ACBD3: variants seen among roughly 807,000 people sequenced by gnomAD.
The protein encoded by ACBD3 is Golgi resident protein GCP60.
ACBD3 carries 30 observed loss-of-function variants against 66.9 expected under a neutral mutation model. The observed-to-expected ratio is 0.45, with a 90% CI of 0.34 to 0.61. ACBD3 has a LOEUF of 0.61. Ranked by LOEUF, ACBD3 falls within the 20% of genes least tolerant of loss-of-function variation. ACBD3 has a pLI of 0.02. For missense variants in ACBD3, 544 were observed against 664.5 expected (o/e 0.82, Z 1.99); for synonymous variants, 278 against 259.8 (o/e 1.07, Z -0.68).
Position 226,166,484 on chromosome 1 carries a change from A to ATTT in ACBD3, c.287-487_287-485dup, listed in dbSNP as rs200962496. On this transcript the variant is annotated intron_variant, in intron 1 of 7. Coordinates refer to ENST00000366812, the MANE Select transcript of ACBD3 (RefSeq NM_022735.4). Reference sequence around the variant, plus strand: ...CCTAAGACGGAAATCCGGTATGCTGATTTTTTTTTTTTTTTTTTTGAGACA... The same window carrying ATTT: ...CCTAAGACGGAAATCCGGTATGCTGATTTTTTTTTTTTTTTTTTTTTTGAGACA... 2.9e-4 allele frequency among the ~76,000 whole-genome samples: 36 copies of ATTT among 122,474 alleles called. 1 individual carries two copies. Among genetic ancestry groups the ATTT allele is most frequent in the African/African-American group, 1.0e-3 (33 of 32,842 alleles). The allele number at this position is 122,474 out of a possible 152,430, so 80.3% of individuals were successfully genotyped here.
intron 6 of ACBD3, among the ~76,000 whole-genome samples, chr1:226,153,797 C>G (rs982724294): frequency 2.0e-5 from 3 of 152,164 alleles, no homozygotes; most frequent in Admixed American, 1.3e-4. Flanking sequence ...CCAAGATGGT[C>G]CCCAGAGATT....
At position 226,177,921 on chromosome 1, in the gene ACBD3, T is replaced by G. The variant is rs1656082714; in HGVS notation, c.286+8469A>C. On this transcript the variant is annotated intron_variant, in intron 1 of 7. Transcript: ENST00000366812. ...CCAAGCCTGGCTAATTTTTGTGGGG[T>G]TTTTTTTGCAGAGATGGAGTTTTCC... Among the ~76,000 whole-genome samples, 3 of 150,978 alleles carry G rather than the reference T, an allele frequency of 2.0e-5. No homozygotes were observed. The South Asian group carries it at 6.3e-4, about 32-fold the overall frequency.
intron 1 of ACBD3, among the ~76,000 whole-genome samples, chr1:226,182,803 G>T (rs1470703521): frequency 6.6e-6 from 1 of 152,068 alleles, no homozygotes; most frequent in Non-Finnish European, 1.5e-5. Flanking sequence ...CCTCCACACT[G>T]TACTGCAGTT....
chr1:226,152,210 G>T (rs1659588869), intron 7 of ACBD3, 125 bp downstream of exon 7: 1 of 1,319,784 alleles, frequency 7.6e-7, no homozygotes, highest in Non-Finnish European at 1.0e-6. Flanking sequence ...TCCCACTAAT[G>T]AAGAAAGTGT....
chr1:226,164,421 G>A (rs1002669117), intron 3 of ACBD3, among the ~76,000 whole-genome samples: 1 of 152,170 alleles, frequency 6.6e-6, no homozygotes, highest in East Asian at 1.9e-4. Flanking sequence ...TGGAGCATGA[G>A]GATTCTAGAA....
rs1336304941 is a variant in ACBD3 at position 226,144,933 on chromosome 1, A to G, written c.*1677T>C. The G allele has an allele frequency of 6.6e-6, 1 of 152,638 alleles. No individual in the cohort carries two copies. Among genetic ancestry groups the G allele is most frequent in the Non-Finnish European group, 1.5e-5 (1 of 68,052 alleles). The allele number at this position is 152,638 out of a possible 1,614,324, so 9.5% of individuals were successfully genotyped here. A position where few individuals can be genotyped will look rare whatever the true frequency, so the allele number is the denominator to read the frequency against. ...TGTAATCAAAGGCTGGAAGAAATAT[A>G]TATTAGTGCCTGCTTTTTAAAAGTT... On this transcript the variant is annotated 3_prime_UTR_variant, in exon 8 of 8. Coordinates refer to ENST00000366812, the MANE Select transcript of ACBD3 (RefSeq NM_022735.4).
intron 7 of ACBD3, among the ~76,000 whole-genome samples, chr1:226,151,381 T>A (rs1191559891): frequency 6.6e-6 from 1 of 152,222 alleles, no homozygotes; most frequent in Non-Finnish European, 1.5e-5. Context: ...AAACAAACCC[T>A]ACATTCTAAC....
At chr1:226,180,436 A>C (rs959077901) in intron 1 of ACBD3, among the ~76,000 whole-genome samples, 1 of 152,184 alleles carries the variant, frequency 6.6e-6, no homozygotes, top group Non-Finnish European at 1.5e-5. Context: ...CCCTTTGAGT[A>C]CAGGAAAGCA....
In ACBD3 at chr1:226,154,524, A is replaced by C. The variant is rs1425091434; in HGVS notation, c.1090+123T>G. On this transcript the variant is annotated intron_variant, in intron 6 of 7. Coordinates refer to ENST00000366812, the MANE Select transcript of ACBD3 (RefSeq NM_022735.4). ...TAGATTCAGACTAAAAAGAGTAAAAAAATGTTCAACTCTCACAAATATGTA... is the reference window on the plus strand; with the variant it reads ...TAGATTCAGACTAAAAAGAGTAAAACAATGTTCAACTCTCACAAATATGTA... The C allele has an allele frequency of 1.3e-5, 15 of 1,169,680 alleles. No individual in the cohort carries two copies. In the South Asian group the frequency reaches 2.4e-4, roughly 19 times the overall value. The allele number at this position is 1,169,680 out of a possible 1,614,324, so 72.5% of individuals were successfully genotyped here. A position where few individuals can be genotyped will look rare whatever the true frequency, so the allele number is the denominator to read the frequency against.
intron 1 of ACBD3, among the ~76,000 whole-genome samples, chr1:226,179,020 G>C (rs1656115288): frequency 2.0e-5 from 3 of 152,154 alleles, no homozygotes; most frequent in Non-Finnish European, 4.4e-5. Context: ...AATATGTATT[G>C]TGTTTGCCCT....
intron 1 of ACBD3, among the ~76,000 whole-genome samples, chr1:226,170,600 C>T (rs747807025): frequency 5.3e-5 from 8 of 152,026 alleles, no homozygotes; most frequent in Non-Finnish European, 1.2e-4. Flanking sequence ...ACAGCAATTT[C>T]GAACATACAC....
At position 226,164,821 on chromosome 1, in the gene ACBD3, G is replaced by A; in HGVS notation, c.537C>T (p.His179=). The change falls in exon 3 of 8, where the codon CAC becomes CAT. Residue 179 remains histidine, a synonymous_variant. Transcript: ENST00000366812. ...CHLFSTYVAS[H]KIEKEEQEKK... ...TTTCTTGCTCTTCCTTCTCTATTTT[G>A]TGGGACGCAACATATGTTGAAAAGA... is the stretch of plus-strand genomic sequence containing the variant. 1 of 1,608,298 alleles carries A rather than the reference G, an allele frequency of 6.2e-7. No homozygotes were observed. Among genetic ancestry groups the A allele is most frequent in the Non-Finnish European group, 8.5e-7 (1 of 1,177,680 alleles).
intron 1 of ACBD3, among the ~76,000 whole-genome samples, chr1:226,181,219 T>C (rs1161882046): frequency 6.6e-6 from 1 of 152,178 alleles, no homozygotes; most frequent in East Asian, 1.9e-4. Flanking sequence ...CTAATAGATG[T>C]TCCATAGTAA....
chr1:226,172,052 C>T (rs551278296), intron 1 of ACBD3, among the ~76,000 whole-genome samples: 22 of 146,812 alleles, frequency 1.5e-4, no homozygotes, highest in South Asian at 6.4e-4. Flanking sequence ...CTACTTGGGA[C>T]GCTAAAGCAG....
Position 226,161,703 on chromosome 1 carries a change from AT to A in ACBD3, c.570-15del, listed in dbSNP as rs1659779032. The A allele has an allele frequency of 6.4e-7, 1 of 1,567,682 alleles. No homozygotes were observed. Among genetic ancestry groups the A allele is most frequent in the Non-Finnish European group, 8.6e-7 (1 of 1,157,096 alleles). On this transcript the variant is annotated splice_polypyrimidine_tract_variant and intron_variant, in intron 3 of 7. Coordinates refer to ENST00000366812, the MANE Select transcript of ACBD3 (RefSeq NM_022735.4). ...TCTTCCTCCTTCCTACAAGGCAAAG[AT>A]AGAGAATGAACCCTATACGTTGAAT...
chr1:226,172,060 CAGGAGAGTTGCTTGAACCTG>C (rs1246287733), intron 1 of ACBD3, among the ~76,000 whole-genome samples: 1 of 146,908 alleles, frequency 6.8e-6, no homozygotes, highest in East Asian at 2.1e-4. Flanking sequence ...GACGCTAAAG[CAGGAGAGTTGCTTGAACCTG>C]GGAGGCGGAG....
intron 1 of ACBD3, 86 bp from the exon 2 acceptor site, chr1:226,166,086 A>G (rs1659872163): frequency 7.1e-7 from 1 of 1,403,230 alleles, no homozygotes; most frequent in Non-Finnish European, 9.5e-7. Flanking sequence ...TTTGCTACAA[A>G]GCATGTCACA....
intron 6 of ACBD3, among the ~76,000 whole-genome samples, chr1:226,153,288 G>C (rs184937495): frequency 6.6e-6 from 1 of 152,244 alleles, no homozygotes; most frequent in African/African-American, 2.4e-5. Context: ...AAAAAAAAGG[G>C]AAGGGGGCAG....
chr1:226,183,632 G>A (rs1307750455), intron 1 of ACBD3, among the ~76,000 whole-genome samples: 2 of 151,690 alleles, frequency 1.3e-5, no homozygotes, highest in African/African-American at 4.8e-5. Context: ...GGTGGCTCAC[G>A]CCTATAATCC....
Sources: gnomAD v4.1 joint callset for allele counts (sites outside exome capture counted in the v4.1 genomes callset) on GRCh38, gnomAD v4.1.1 for gene constraint, MANE v1.5 for transcripts, NCBI Gene and HGNC (gene_info 2026-07-23, HGNC 2026-07-21) for gene names.